AHI1: variants seen among roughly 807,000 people sequenced by gnomAD.
AHI1 encodes the protein jouberin.
A neutral mutation model predicts 149.3 loss-of-function variants in AHI1; 123 were observed. That is an observed-to-expected ratio of 0.82 (90% CI 0.71 to 0.96). AHI1 has a LOEUF of 0.96. Among genes scored for constraint, AHI1 ranks in the 40% least tolerant of loss-of-function variants. The probability of loss-of-function intolerance (pLI) is 0.00; values close to 1 mark genes in which losing one functional copy is unlikely to be tolerated. For synonymous variants in AHI1, 475 were observed against 459.8 expected (o/e 1.03, Z -0.42); for missense variants, 1,439 against 1,422.7 (o/e 1.01, Z -0.18).
chr6:135,404,672 C>G (rs201611631), intron 22 of AHI1, among the ~76,000 whole-genome samples: 1 of 152,310 alleles, frequency 6.6e-6, no homozygotes, highest in East Asian at 1.9e-4. Context: ...AAATTTTTCT[C>G]AGAGAATGAC....
chr6:135,401,319 T>C (rs959798609), intron 22 of AHI1, among the ~76,000 whole-genome samples: 3 of 152,230 alleles, frequency 2.0e-5, no homozygotes, highest in Non-Finnish European at 1.5e-5. Flanking sequence ...TATGTGTCTC[T>C]CTACAATAAA....
At chr6:135,399,325 G>A (rs533856377) in intron 22 of AHI1, among the ~76,000 whole-genome samples, 11 of 152,250 alleles carry the variant, frequency 7.2e-5, no homozygotes, top group Admixed American at 2.0e-4. Context: ...CTTAAGCTTC[G>A]TTAAAAGCTA....
intron 5 of AHI1, among the ~76,000 whole-genome samples, chr6:135,480,297 A>C (rs1322781416): frequency 2.0e-5 from 3 of 152,140 alleles, no homozygotes; most frequent in Non-Finnish European, 4.4e-5. Flanking sequence ...TCTCTACAGA[A>C]AAAAACAAAA....
chr6:135,327,622 A>G (rs1787902156), intron 24 of AHI1, among the ~76,000 whole-genome samples: 1 of 152,072 alleles, frequency 6.6e-6, no homozygotes, highest in African/African-American at 2.4e-5. Context: ...GGCCTCAGAA[A>G]ACAGAATGTC....
chr6:135,360,675 T>C (rs893181754), intron 23 of AHI1, among the ~76,000 whole-genome samples: 1 of 152,272 alleles, frequency 6.6e-6, no homozygotes, highest in Non-Finnish European at 1.5e-5. Context: ...CTATTGCTTA[T>C]ACTCTAAATT....
Position 135,428,809 on chromosome 6 carries a change from G to A in AHI1, c.2493-50C>T, listed in dbSNP as rs1372144812. On this transcript the variant is annotated intron_variant, in intron 18 of 28. Coordinates refer to ENST00000265602, the MANE Select transcript of AHI1 (RefSeq NM_001134831.2). ...ATGTAACTGTCTTAATCATGTAAATGACTGGTGGTATAAAATCTTTTCTCT... is the reference window on the plus strand; with the variant it reads ...ATGTAACTGTCTTAATCATGTAAATAACTGGTGGTATAAAATCTTTTCTCT... The A allele has an allele frequency of 4.1e-6, 6 of 1,480,970 alleles. No individual in the cohort carries two copies. The Admixed American group carries it at 6.9e-5, about 17-fold the overall frequency. 91.7% of individuals were successfully genotyped at this position (1,480,970 alleles called of 1,614,324 possible). A position where few individuals can be genotyped will look rare whatever the true frequency, so the allele number is the denominator to read the frequency against.
intron 26 of AHI1, among the ~76,000 whole-genome samples, chr6:135,316,386 T>C (rs1218785638): frequency 2.0e-5 from 3 of 151,980 alleles, no homozygotes; most frequent in Non-Finnish European, 4.4e-5. Context: ...TCCATGAGAG[T>C]TCACATGCTG....
chr6:135,332,791 G>A (rs775867212), intron 24 of AHI1, among the ~76,000 whole-genome samples: 1 of 152,156 alleles, frequency 6.6e-6, no homozygotes, highest in African/African-American at 2.4e-5. Context: ...ACAAGGAAAG[G>A]AACTTTAAAA....
At chr6:135,331,727 C>T (rs184137625) in intron 24 of AHI1, among the ~76,000 whole-genome samples, 14 of 152,274 alleles carry the variant, frequency 9.2e-5, no homozygotes, top group East Asian at 5.8e-4. Context: ...TAAATTCACA[C>T]GCTTGAGCAC....
intron 25 of AHI1, among the ~76,000 whole-genome samples, chr6:135,322,080 G>C (rs1009538815): frequency 6.6e-6 from 1 of 152,230 alleles, no homozygotes; most frequent in Non-Finnish European, 1.5e-5. Context: ...TGGGATTACA[G>C]GCGTGAGCCA....
intron 5 of AHI1, among the ~76,000 whole-genome samples, chr6:135,481,197 A>G (rs1341984390): frequency 6.6e-6 from 1 of 152,218 alleles, no homozygotes; most frequent in Non-Finnish European, 1.5e-5. Flanking sequence ...TCAGATGTGA[A>G]TCCTTGACCT....
intron 5 of AHI1, among the ~76,000 whole-genome samples, chr6:135,481,003 T>C (rs771055268): frequency 2.0e-5 from 3 of 152,098 alleles, no homozygotes; most frequent in South Asian, 2.1e-4. Context: ...CATGGAAAAA[T>C]TGTCTTCCAC....
At chr6:135,333,244 C>T (rs1788866147) in intron 24 of AHI1, among the ~76,000 whole-genome samples, 2 of 151,962 alleles carry the variant, frequency 1.3e-5, no homozygotes, top group Non-Finnish European at 2.9e-5. Flanking sequence ...TCAATAATGT[C>T]AAAGATAAAA....
At chr6:135,380,154 T>A (rs1166192649) in intron 23 of AHI1, among the ~76,000 whole-genome samples, 6 of 151,612 alleles carry the variant, frequency 4.0e-5, no homozygotes, top group Non-Finnish European at 8.8e-5. Flanking sequence ...ACTCCTCAGG[T>A]GCAACTCCCT....
intron 24 of AHI1, among the ~76,000 whole-genome samples, chr6:135,330,936 T>C (rs193171113): frequency 6.6e-6 from 1 of 152,366 alleles, no homozygotes. Flanking sequence ...TCCAATTAGA[T>C]TTTATTATTT....
intron 24 of AHI1, among the ~76,000 whole-genome samples, chr6:135,327,724 C>T (rs1351856141): frequency 6.6e-6 from 1 of 152,052 alleles, no homozygotes; most frequent in Non-Finnish European, 1.5e-5. Flanking sequence ...TATGAGCAAT[C>T]AGAGGGTCCT....
At chr6:135,301,582 T>G in intron 26 of AHI1, 16 of 985,440 alleles carry the variant, frequency 1.6e-5, no homozygotes, top group African/African-American at 1.2e-4. Flanking sequence ...CAAGAGGATA[T>G]TATGCTTTTC....
At chr6:135,451,607 G>T (rs1401095360) in intron 11 of AHI1, among the ~76,000 whole-genome samples, 2 of 152,044 alleles carry the variant, frequency 1.3e-5, no homozygotes, top group Non-Finnish European at 2.9e-5. Flanking sequence ...CTTTCTGGGG[G>T]GTGGGGATGG....
chr6:135,302,726 C>T, intron 26 of AHI1: 2 of 1,275,306 alleles, frequency 1.6e-6, no homozygotes, highest in South Asian at 1.3e-5. Context: ...TCCTTGGTCT[C>T]AGCAGCAGCA....
Sources: allele counts gnomAD v4.1 joint callset (sites outside exome capture counted in the v4.1 genomes callset), GRCh38; gene constraint gnomAD v4.1.1; transcripts MANE v1.5; gene names NCBI Gene and HGNC (gene_info 2026-07-23, HGNC 2026-07-21).